NDE1: variants seen among roughly 807,000 people sequenced by gnomAD.
NDE1 encodes the protein nuclear distribution protein nudE homolog 1.
NDE1 carries 28 observed loss-of-function variants against 43.4 expected under a neutral mutation model. The observed-to-expected ratio is 0.65, with a 90% confidence interval of 0.48 to 0.89. The LOEUF (loss-of-function observed/expected upper bound fraction) is 0.89. Ranked by LOEUF, NDE1 falls within the 40% of genes least tolerant of loss-of-function variation. The pLI, the probability that NDE1 is intolerant of heterozygous loss-of-function variation, is 0.00. For missense variants in NDE1, 441 were observed against 434.1 expected (o/e 1.02, Z -0.14); for synonymous variants, 184 against 172.0 (o/e 1.07, Z -0.55).
intron 8 of NDE1, 151 bp downstream of exon 8, chr16:15,697,011 C>CATT: frequency 6.5e-7 from 1 of 1,532,286 alleles, no homozygotes; most frequent in Non-Finnish European, 8.7e-7. Flanking sequence ...CTGCAGGCAG[C>CATT]ATTAGGTGGT....
At chr16:15,647,126 G>A (rs570905983), upstream of NDE1, among the ~76,000 whole-genome samples, 13 of 152,356 alleles carry the variant, frequency 8.5e-5, no homozygotes, top group African/African-American at 3.1e-4. Flanking sequence ...ATTCATTAAT[G>A]TTTGGGAAGT....
intron 8 of NDE1, chr16:15,697,204 G>A (rs910062677): frequency 2.1e-5 from 8 of 381,530 alleles, no homozygotes; most frequent in Non-Finnish European, 2.5e-5. Flanking sequence ...CACCGTGCTC[G>A]GCTAATTTTT....
chr16:15,672,040 G>C (rs1409317271), intron 3 of NDE1, among the ~76,000 whole-genome samples: 1 of 152,054 alleles, frequency 6.6e-6, no homozygotes, highest in African/African-American at 2.4e-5. Context: ...TGGGTAGGAG[G>C]AAGATTAGTG....
chr16:15,723,947 TCA>T (rs2040613115), intron 8 of NDE1, among the ~76,000 whole-genome samples: 1 of 152,002 alleles, frequency 6.6e-6, no homozygotes, highest in South Asian at 2.1e-4. Flanking sequence ...CCCAGAAAAG[TCA>T]CAGTCATCAA....
chr16:15,718,183 G>GCCCCACCACCCT, intron 8 of NDE1: 2 of 1,443,280 alleles, frequency 1.4e-6, no homozygotes, highest in Non-Finnish European at 1.9e-6. Flanking sequence ...CTACTCTCAG[G>GCCCCACCACCCT]CCCCACCACC....
At chr16:15,696,363 G>A (rs2039011214) in intron 7 of NDE1, among the ~76,000 whole-genome samples, 2 of 145,456 alleles carry the variant, frequency 1.4e-5, no homozygotes, top group South Asian at 2.2e-4. Flanking sequence ...GTGACACAGC[G>A]TCTAAAAAAG....
At chr16:15,657,561 G>A (rs2036832680) in intron 1 of NDE1, among the ~76,000 whole-genome samples, 1 of 152,070 alleles carries the variant, frequency 6.6e-6, no homozygotes, top group Non-Finnish European at 1.5e-5. Flanking sequence ...TGCTGCTCCT[G>A]GCCTTGTTAA....
intron 8 of NDE1, chr16:15,720,012 G>T: frequency 8.0e-7 from 1 of 1,243,124 alleles, no homozygotes; most frequent in Non-Finnish European, 1.2e-6. Flanking sequence ...ATCCTGAATG[G>T]TTCCAGAAAA....
chr16:15,664,247 G>T (rs2151434300), intron 1 of NDE1, among the ~76,000 whole-genome samples: 2 of 152,202 alleles, frequency 1.3e-5, no homozygotes, highest in South Asian at 4.1e-4. Flanking sequence ...ATATCCATGA[G>T]CCTTGATGTT....
intron 8 of NDE1, among the ~76,000 whole-genome samples, chr16:15,708,571 A>G (rs2039595061): frequency 6.6e-6 from 1 of 152,216 alleles, no homozygotes; most frequent in African/African-American, 2.4e-5. Flanking sequence ...GTCATGTCAC[A>G]TGTGCTGCCC....
intron 8 of NDE1, chr16:15,720,132 A>G: frequency 1.2e-6 from 2 of 1,614,012 alleles, no homozygotes; most frequent in Non-Finnish European, 1.7e-6. Context: ...CCATGCCCCA[A>G]GCTCCTAGTG....
At chr16:15,686,758 G>T (rs1050759554) in intron 4 of NDE1, 1 of 221,024 alleles carries the variant, frequency 4.5e-6, no homozygotes, top group African/African-American at 2.3e-5. Flanking sequence ...CTAGGCTGGA[G>T]TGCAGTGGTA....
intron 8 of NDE1, chr16:15,711,004 TCTC>T (rs1416890778): frequency 2.6e-5 from 4 of 152,322 alleles, no homozygotes; most frequent in African/African-American, 7.2e-5. Context: ...TGAGAACAGC[TCTC>T]CTCCACTGAC....
chr16:15,665,351 A>C (rs1230918735), intron 2 of NDE1, among the ~76,000 whole-genome samples: 1 of 152,188 alleles, frequency 6.6e-6, no homozygotes, highest in Non-Finnish European at 1.5e-5. Context: ...TCACAGTCAC[A>C]CAGCCAATAA....
chr16:15,723,407 G>T (rs1281239867), intron 8 of NDE1, among the ~76,000 whole-genome samples: 1 of 152,194 alleles, frequency 6.6e-6, no homozygotes, highest in Admixed American at 6.5e-5. Context: ...AGCACTTTGG[G>T]AGGCCAAGGC....
intron 8 of NDE1, chr16:15,718,219 C>T: frequency 3.1e-6 from 5 of 1,587,872 alleles, no homozygotes; most frequent in South Asian, 1.1e-5. Context: ...CCAGGGCCTG[C>T]ACACAGGAAG....
At chr16:15,675,495 G>A (rs117519793) in intron 3 of NDE1, among the ~76,000 whole-genome samples, 360 of 151,180 alleles carry the variant, frequency 2.4e-3, no homozygotes, top group Admixed American at 7.4e-3. Flanking sequence ...GGAGTGCAGC[G>A]GCGTGATCAT....
At chr16:15,666,074 A>G (rs375854151) in intron 2 of NDE1, among the ~76,000 whole-genome samples, 46 of 152,126 alleles carry the variant, frequency 3.0e-4, no homozygotes, top group African/African-American at 1.0e-3. Flanking sequence ...ATTTTCTAGA[A>G]GGGTTTTTAT....
chr16:15,692,690 A>G (rs893007291), intron 6 of NDE1, among the ~76,000 whole-genome samples: 1 of 152,002 alleles, frequency 6.6e-6, no homozygotes, highest in African/African-American at 2.4e-5. Flanking sequence ...TATTACATGT[A>G]TGAGTCACTG....
Sources: gnomAD v4.1 joint callset for allele counts (sites outside exome capture counted in the v4.1 genomes callset) on GRCh38, gnomAD v4.1.1 for gene constraint, MANE v1.5 for transcripts, NCBI Gene and HGNC (gene_info 2026-07-23, HGNC 2026-07-21) for gene names.